RALYL: variants seen among roughly 807,000 people sequenced by gnomAD.
The protein encoded by RALYL is RNA-binding Raly-like protein.
Under a neutral mutation model 35.1 loss-of-function variants are expected in RALYL, and 29 were observed. The observed-to-expected ratio is 0.83, with a 90% CI of 0.61 to 1.13. The LOEUF (loss-of-function observed/expected upper bound fraction) is 1.13, where lower values mean the gene tolerates loss of function less well. Ranked by LOEUF, RALYL falls within the 50% of genes most tolerant of loss-of-function variation. RALYL has a pLI of 0.00. For missense variants in RALYL, 359 were observed against 360.4 expected, an observed-to-expected ratio of 1.00 and a Z score of 0.03; for synonymous variants, 120 against 127.6, an observed-to-expected ratio of 0.94 and a Z score of 0.40.
intron 1 of RALYL, among the ~76,000 whole-genome samples, chr8:84,223,354 C>T (rs542771305): frequency 6.6e-6 from 1 of 152,136 alleles, no homozygotes; most frequent in African/African-American, 2.4e-5. Flanking sequence ...GTCTCCACCT[C>T]ATCTGACTAG....
chr8:84,235,828 G>A (rs543279442), intron 1 of RALYL, among the ~76,000 whole-genome samples: 32 of 143,770 alleles, frequency 2.2e-4, no homozygotes, highest in Non-Finnish European at 4.6e-4. Context: ...GTGCAGTGGT[G>A]CGATCTCGGC....
intron 1 of RALYL, among the ~76,000 whole-genome samples, chr8:84,349,496 C>A (rs901399873): frequency 1.3e-5 from 2 of 150,180 alleles, no homozygotes; most frequent in Non-Finnish European, 3.0e-5. Flanking sequence ...CTACTGCTGT[C>A]CCCTGCCTAC....
chr8:84,650,436 G>A (rs1828507930), intron 2 of RALYL, among the ~76,000 whole-genome samples: 1 of 152,048 alleles, frequency 6.6e-6, no homozygotes, highest in Non-Finnish European at 1.5e-5. Context: ...CTTCTCAAAA[G>A]AAGACATTTA....
chr8:84,605,783 G>T (rs1381285253), intron 2 of RALYL, among the ~76,000 whole-genome samples: 1 of 152,044 alleles, frequency 6.6e-6, no homozygotes, highest in Non-Finnish European at 1.5e-5. Context: ...CAGTAACCTA[G>T]CACACCATTT....
chr8:84,597,163 T>C (rs555862048), intron 2 of RALYL, among the ~76,000 whole-genome samples: 1 of 152,308 alleles, frequency 6.6e-6, no homozygotes, highest in South Asian at 2.1e-4. Context: ...CAGAAGTTTT[T>C]CTAAAGTAAT....
intron 1 of RALYL, among the ~76,000 whole-genome samples, chr8:84,303,213 TATGA>T (rs1401629031): frequency 6.6e-6 from 1 of 152,112 alleles, no homozygotes; most frequent in Non-Finnish European, 1.5e-5. Flanking sequence ...TTAGAAAAAA[TATGA>T]ATGAATGAAT....
rs141907040 is a variant in RALYL at position 84,604,780 on chromosome 8, G to A, written c.256+75203G>A. ...GTTACCAAGAGAAACTTAACTGTCA[G>A]GTTTCCTGTTCTTTTTTAGAAGACG... On this transcript the variant is annotated intron_variant, in intron 2 of 8. Transcript: ENST00000521268. Among the ~76,000 whole-genome samples, 215 of 152,152 alleles carry A rather than the reference G, an allele frequency of 1.4e-3. 1 individual carries two copies. The highest frequency in any genetic ancestry group is 4.9e-3 in the African/African-American group (205 of 41,524).
At chr8:84,458,060 T>G (rs2050337472) in intron 1 of RALYL, among the ~76,000 whole-genome samples, 2 of 151,850 alleles carry the variant, frequency 1.3e-5, no homozygotes, top group Non-Finnish European at 2.9e-5. Flanking sequence ...AAAAGACCAT[T>G]GGCATCTGAT....
At chr8:84,475,882 C>A (rs2053345464) in intron 1 of RALYL, among the ~76,000 whole-genome samples, 1 of 152,110 alleles carries the variant, frequency 6.6e-6, no homozygotes, top group African/African-American at 2.4e-5. Flanking sequence ...AATACTATTT[C>A]ATCAAAGGAA....
At chr8:84,324,671 C>T (rs1845481988) in intron 1 of RALYL, among the ~76,000 whole-genome samples, 1 of 151,384 alleles carries the variant, frequency 6.6e-6, no homozygotes, top group Non-Finnish European at 1.5e-5. Context: ...TTTTGTTTTA[C>T]ATTATTTAAT....
At chr8:84,356,945 A>G (rs1479810649) in intron 1 of RALYL, among the ~76,000 whole-genome samples, 1 of 152,136 alleles carries the variant, frequency 6.6e-6, no homozygotes, top group Non-Finnish European at 1.5e-5. Flanking sequence ...CAACAAACAC[A>G]GCAGCAGTGA....
intron 2 of RALYL, among the ~76,000 whole-genome samples, chr8:84,636,779 G>C (rs1825154457): frequency 6.6e-6 from 1 of 151,724 alleles, no homozygotes; most frequent in Non-Finnish European, 1.5e-5. Context: ...TTATTACTGG[G>C]ACTGATACAT....
At chr8:84,916,953 A>G (rs1156822807) in intron 8 of RALYL, among the ~76,000 whole-genome samples, 1 of 151,866 alleles carries the variant, frequency 6.6e-6, no homozygotes, top group Non-Finnish European at 1.5e-5. Context: ...TTTTAACATT[A>G]AGTTCCTCCT....
chr8:84,348,092 G>A (rs936367245), intron 1 of RALYL, among the ~76,000 whole-genome samples: 1 of 152,076 alleles, frequency 6.6e-6, no homozygotes, highest in Non-Finnish European at 1.5e-5. Flanking sequence ...GAGTTTGGCT[G>A]CTGTGATTGG....
intron 3 of RALYL, among the ~76,000 whole-genome samples, chr8:84,786,741 AT>A (rs1819572441): frequency 6.6e-6 from 1 of 152,072 alleles, no homozygotes; most frequent in Non-Finnish European, 1.5e-5. Context: ...CCTTTGTCAG[AT>A]GGTTAGATTG....
intron 8 of RALYL, among the ~76,000 whole-genome samples, chr8:84,900,679 T>TA (rs757291686): frequency 2.9e-3 from 414 of 144,440 alleles, no homozygotes; most frequent in Middle Eastern, 3.6e-3. Flanking sequence ...AAGTTTGTCT[T>TA]AAAAAAAAAA....
chr8:84,282,288 C>T (rs908412237), intron 1 of RALYL, among the ~76,000 whole-genome samples: 11 of 151,402 alleles, frequency 7.3e-5, no homozygotes, highest in Admixed American at 6.6e-4. Context: ...CCCTCTTTCT[C>T]ACTAGATTGT....
intron 1 of RALYL, among the ~76,000 whole-genome samples, chr8:84,371,839 A>T (rs1037663642): frequency 1.1e-4 from 17 of 152,100 alleles, no homozygotes; most frequent in African/African-American, 3.9e-4. Context: ...CTTTTATTAT[A>T]CATATATAGA....
chr8:84,498,503 A>G (rs1329532740), intron 1 of RALYL, among the ~76,000 whole-genome samples: 1 of 152,144 alleles, frequency 6.6e-6, no homozygotes, highest in Non-Finnish European at 1.5e-5. Context: ...GGCACCTCAA[A>G]TAAAATACTC....
Sources: allele counts gnomAD v4.1 joint callset (sites outside exome capture counted in the v4.1 genomes callset), GRCh38; gene constraint gnomAD v4.1.1; transcripts MANE v1.5; gene names NCBI Gene and HGNC (gene_info 2026-07-23, HGNC 2026-07-21).